The following ARHGEF3 variants were observed in gnomAD, a reference collection of about 807,000 sequenced individuals.
ARHGEF3 encodes the protein 59.8 kDA protein.
A neutral mutation model predicts 63.2 loss-of-function variants in ARHGEF3; 28 were observed. That is an observed-to-expected ratio of 0.44 (90% CI 0.33 to 0.61). The LOEUF (loss-of-function observed/expected upper bound fraction) is 0.61, where lower values mean the gene tolerates loss of function less well. Ranked by LOEUF, ARHGEF3 falls within the 20% of genes least tolerant of loss-of-function variation. The probability of loss-of-function intolerance (pLI) is 0.03; values close to 1 mark genes in which losing one functional copy is unlikely to be tolerated. For missense variants in ARHGEF3, 533 were observed against 659.3 expected (o/e 0.81, Z 2.10); for synonymous variants, 266 against 254.2 (o/e 1.05, Z -0.44).
At chr3:57,061,690 T>C (rs1705230933) in intron 1 of ARHGEF3, among the ~76,000 whole-genome samples, 1 of 152,230 alleles carries the variant, frequency 6.6e-6, no homozygotes, top group Non-Finnish European at 1.5e-5. Flanking sequence ...TACCTCTATG[T>C]TTAACTCCTG....
chr3:56,854,152 G>A (rs1185760328), intron 4 of ARHGEF3, among the ~76,000 whole-genome samples: 2 of 152,064 alleles, frequency 1.3e-5, no homozygotes, highest in South Asian at 2.1e-4. Context: ...CCGAGATGGC[G>A]CCACTGCACT....
chr3:56,996,892 T>TATTA (rs202043317), intron 2 of ARHGEF3, among the ~76,000 whole-genome samples: 110 of 122,524 alleles, frequency 9.0e-4, no homozygotes, highest in East Asian at 4.5e-3. Flanking sequence ...TTATTATTAT[T>TATTA]TTTTTTTTTT....
chr3:56,858,366 T>G (rs952249164), intron 4 of ARHGEF3, among the ~76,000 whole-genome samples: 5 of 152,170 alleles, frequency 3.3e-5, no homozygotes, highest in African/African-American at 9.7e-5. Context: ...TGTAGGAATT[T>G]TAATGGGTTT....
In ARHGEF3 at chr3:56,751,243, A is replaced by G. The variant is rs902245116; in HGVS notation, c.535+57T>C. On this transcript the variant is annotated intron_variant, in intron 5 of 9. Transcript: ENST00000296315. ...GGCAATTAATAATCACTCACTCATTATAAGACAACTCAGTTAAGGCTACAA... is the reference window on the plus strand; with the variant it reads ...GGCAATTAATAATCACTCACTCATTGTAAGACAACTCAGTTAAGGCTACAA... The G allele has an allele frequency of 3.2e-6, 5 of 1,554,400 alleles. No individual in the cohort carries two copies. In the African/African-American group the frequency reaches 5.4e-5, roughly 17 times the overall value.
intron 4 of ARHGEF3, among the ~76,000 whole-genome samples, chr3:56,880,399 T>C (rs1016453600): frequency 6.6e-6 from 1 of 152,220 alleles, no homozygotes; most frequent in African/African-American, 2.4e-5. Flanking sequence ...TCAAGGCCAT[T>C]GATGACAAAC....
chr3:56,959,993 C>A (rs926706791), intron 2 of ARHGEF3, among the ~76,000 whole-genome samples: 1 of 152,126 alleles, frequency 6.6e-6, no homozygotes, highest in African/African-American at 2.4e-5. Context: ...AAACAAACCC[C>A]AAAAGGTTGG....
intron 1 of ARHGEF3, among the ~76,000 whole-genome samples, chr3:57,050,767 C>T (rs528590604): frequency 6.1e-4 from 93 of 152,324 alleles, no homozygotes; most frequent in African/African-American, 2.1e-3. Context: ...GGGAGTAACA[C>T]GATCAACTTC....
intron 3 of ARHGEF3, among the ~76,000 whole-genome samples, chr3:56,946,828 G>C (rs1404239996): frequency 3.3e-5 from 5 of 152,288 alleles, no homozygotes; most frequent in East Asian, 3.9e-4. Flanking sequence ...ATAATTGTAA[G>C]ATTCACCAAA....
At chr3:57,074,566 T>C in intron 1 of ARHGEF3, 1 of 338,502 alleles carries the variant, frequency 3.0e-6, no homozygotes, top group Non-Finnish European at 5.7e-6. Flanking sequence ...AATTGATCAA[T>C]CAATCGATCA....
chr3:57,043,551 T>C (rs1429677301), intron 1 of ARHGEF3, among the ~76,000 whole-genome samples: 1 of 150,216 alleles, frequency 6.7e-6, no homozygotes, highest in Non-Finnish European at 1.5e-5. Context: ...AATGATGGGA[T>C]ATACAGTTGT....
chr3:56,857,774 C>G (rs1391533107), intron 4 of ARHGEF3, among the ~76,000 whole-genome samples: 2 of 152,294 alleles, frequency 1.3e-5, no homozygotes, highest in Middle Eastern at 3.4e-3. Context: ...CAGCCTCTTA[C>G]TATGTTGCCC....
At chr3:56,852,829 C>T (rs980653265) in intron 4 of ARHGEF3, among the ~76,000 whole-genome samples, 1 of 152,196 alleles carries the variant, frequency 6.6e-6, no homozygotes, top group African/African-American at 2.4e-5. Context: ...CCTGATCTGA[C>T]ATGTCCCCTC....
intron 3 of ARHGEF3, among the ~76,000 whole-genome samples, chr3:56,894,917 T>A (rs2041248203): frequency 6.6e-6 from 1 of 152,216 alleles, no homozygotes; most frequent in South Asian, 2.1e-4. Flanking sequence ...AAGCAAAGAC[T>A]CCGGATTAGA....
intron 4 of ARHGEF3, among the ~76,000 whole-genome samples, chr3:56,842,981 A>C (rs766133406): frequency 2.4e-4 from 36 of 152,272 alleles, no homozygotes; most frequent in Non-Finnish European, 4.6e-4. Flanking sequence ...ACTTAAAAAA[A>C]CCCTCAAACT....
chr3:57,055,902 G>C (rs1474953183), intron 1 of ARHGEF3, among the ~76,000 whole-genome samples: 2 of 152,178 alleles, frequency 1.3e-5, no homozygotes, highest in Non-Finnish European at 2.9e-5. Flanking sequence ...CTGCACATGA[G>C]TCAAAATCCT....
intron 3 of ARHGEF3, among the ~76,000 whole-genome samples, chr3:56,891,035 TC>T (rs1223418715): frequency 6.6e-6 from 1 of 152,176 alleles, no homozygotes; most frequent in Non-Finnish European, 1.5e-5. Flanking sequence ...GATTTTGTGT[TC>T]TTGTACTTGC....
At chr3:56,810,553 G>T (rs2038027173) in intron 4 of ARHGEF3, among the ~76,000 whole-genome samples, 1 of 152,038 alleles carries the variant, frequency 6.6e-6, no homozygotes, top group South Asian at 2.1e-4. Flanking sequence ...GAAAAGAAAA[G>T]AAAAATATTG....
intron 4 of ARHGEF3, among the ~76,000 whole-genome samples, chr3:56,842,857 CAT>C (rs2039360233): frequency 6.6e-6 from 1 of 152,156 alleles, no homozygotes; most frequent in Admixed American, 6.5e-5. Flanking sequence ...ATCTTGGTGA[CAT>C]AGTATTTTTA....
At chr3:57,031,990 G>T (rs1703753795) in intron 2 of ARHGEF3, among the ~76,000 whole-genome samples, 1 of 152,088 alleles carries the variant, frequency 6.6e-6, no homozygotes, top group African/African-American at 2.4e-5. Flanking sequence ...AAAAGATGGG[G>T]GCTGAGAAAG....
Sources: allele counts gnomAD v4.1 joint callset (sites outside exome capture counted in the v4.1 genomes callset), GRCh38; gene constraint gnomAD v4.1.1; transcripts MANE v1.5; gene names NCBI Gene and HGNC (gene_info 2026-07-23, HGNC 2026-07-21).